STAB2: variants seen among roughly 807,000 people sequenced by gnomAD.
STAB2 encodes stabilin 2.
In STAB2, 288 loss-of-function variants were observed where a neutral mutation model predicts 338.1. The observed-to-expected ratio is 0.85, with a 90% CI of 0.77 to 0.94. The LOEUF (loss-of-function observed/expected upper bound fraction) is 0.94, where lower values mean the gene tolerates loss of function less well. Among genes scored for constraint, STAB2 ranks in the 40% least tolerant of loss-of-function variants. STAB2 has a pLI of 0.00. For missense variants in STAB2, 3,141 were observed against 3,210.1 expected, an observed-to-expected ratio of 0.98 and a Z score of 0.52; for synonymous variants, 1,202 against 1,193.3, an observed-to-expected ratio of 1.01 and a Z score of -0.15.
Position 103,622,069 on chromosome 12 carries a change from A to C in STAB2, c.445A>C (p.Thr149Pro). ...QEGFGGTACETCADDNLFGPS... is the reference protein window; with the variant it reads ...QEGFGGTACEPCADDNLFGPS... ...AGGGTTTGGTGGAACAGCCTGTGAA[A>C]CCTGTGCTGACGACAACTTATTTGG... The change falls in exon 5 of 69, where the codon ACC becomes CCC. Residue 149 changes from threonine (T) to proline (P), a missense_variant. Coordinates refer to ENST00000388887, the MANE Select transcript of STAB2 (RefSeq NM_017564.10). The C allele has an allele frequency of 5.0e-6, 8 of 1,614,196 alleles. No individual in the cohort carries two copies. Among genetic ancestry groups the C allele is most frequent in the Non-Finnish European group, 6.8e-6 (8 of 1,180,040 alleles).
intron 3 of STAB2, among the ~76,000 whole-genome samples, chr12:103,610,872 A>G (rs1383355284): frequency 6.6e-6 from 1 of 152,098 alleles, no homozygotes; most frequent in East Asian, 1.9e-4. Flanking sequence ...TGTCCCAGAG[A>G]TTCTGGTATG....
At chr12:103,647,598 C>T (rs1873432949) in intron 9 of STAB2, among the ~76,000 whole-genome samples, 1 of 152,190 alleles carries the variant, frequency 6.6e-6, no homozygotes, top group African/African-American at 2.4e-5. Context: ...CTGCTATAGC[C>T]AGAGCTTATG....
intron 31 of STAB2, 33 bp from the exon 32 acceptor site, chr12:103,695,517 A>T: frequency 1.9e-6 from 3 of 1,611,212 alleles, no homozygotes; most frequent in Non-Finnish European, 2.5e-6. Context: ...CTACCAAAAC[A>T]TGCTAACAGG....
intron 39 of STAB2, among the ~76,000 whole-genome samples, chr12:103,710,332 G>A (rs1245046552): frequency 6.6e-6 from 1 of 151,890 alleles, no homozygotes; most frequent in Non-Finnish European, 1.5e-5. Context: ...GAAGTTTCCA[G>A]TCTAGAAAAG....
At chr12:103,613,074 G>A (rs146749045) in intron 3 of STAB2, among the ~76,000 whole-genome samples, 5,582 of 152,240 alleles carry the variant, frequency 0.037, 329 homozygotes, top group African/African-American at 0.13. Flanking sequence ...CTACCCGGCC[G>A]TGTGAGGTGT....
intron 63 of STAB2, 135 bp from the exon 64 acceptor site, chr12:103,758,035 A>T: frequency 7.6e-7 from 1 of 1,318,666 alleles, no homozygotes; most frequent in Non-Finnish European, 1.0e-6. Context: ...CAGAAGACAC[A>T]GCAAAGGAGC....
intron 42 of STAB2, 118 bp from the exon 43 acceptor site, chr12:103,715,697 T>A: frequency 8.9e-7 from 1 of 1,118,506 alleles, no homozygotes; most frequent in Non-Finnish European, 1.3e-6. Context: ...GAAAACTGAA[T>A]CATGCTTTGA....
intron 44 of STAB2, among the ~76,000 whole-genome samples, chr12:103,721,715 C>T (rs1314459467): frequency 6.6e-6 from 1 of 152,194 alleles, no homozygotes; most frequent in African/African-American, 2.4e-5. Context: ...GCCAGGTGGA[C>T]ATAGTGGCTC....
At position 103,638,112 on chromosome 12, in the gene STAB2, G is replaced by A. The variant is rs374968745; in HGVS notation, c.806G>A (p.Arg269His). The part of the protein sequence containing the change: ...RHSCTCQEGY[R>H]GDGQVCLPVD... ...AGTTGTACATGCCAAGAAGGCTACCGTGGGGATGGCCAAGTGTGCTTGCCT... is the reference window on the plus strand; with the variant it reads ...AGTTGTACATGCCAAGAAGGCTACCATGGGGATGGCCAAGTGTGCTTGCCT... The change falls in exon 8 of 69, where the codon CGT (arginine) becomes CAT (histidine). Residue 269 changes from arginine to histidine, a missense_variant. Arg to His is a conservative substitution (Grantham distance 29). Coordinates refer to ENST00000388887, the MANE Select transcript of STAB2 (RefSeq NM_017564.10). The A allele has an allele frequency of 2.0e-5, 32 of 1,614,084 alleles. No homozygotes were observed. The highest frequency in any genetic ancestry group is 4.5e-5 in the East Asian group (2 of 44,904).
At chr12:103,623,155 T>C (rs1339981188) in intron 5 of STAB2, among the ~76,000 whole-genome samples, 1 of 152,158 alleles carries the variant, frequency 6.6e-6, no homozygotes, top group African/African-American at 2.4e-5. Context: ...CAGGATGTTA[T>C]TAAGCCAGGT....
intron 51 of STAB2, among the ~76,000 whole-genome samples, chr12:103,733,968 G>T (rs764098629): frequency 1.3e-5 from 2 of 149,152 alleles, no homozygotes; most frequent in Non-Finnish European, 3.0e-5. Flanking sequence ...CGATCATAGG[G>T]GAGCAGCACA....
chr12:103,681,015 C>A (rs1223300391), intron 25 of STAB2, among the ~76,000 whole-genome samples: 1 of 152,210 alleles, frequency 6.6e-6, no homozygotes, highest in Admixed American at 6.5e-5. Context: ...GACAGACAAA[C>A]CTATGTATAA....
intron 25 of STAB2, among the ~76,000 whole-genome samples, chr12:103,680,439 C>T (rs1876796662): frequency 6.6e-6 from 1 of 152,224 alleles, no homozygotes; most frequent in African/African-American, 2.4e-5. Flanking sequence ...CATAAAGGGT[C>T]TGTTTCTTGG....
intron 58 of STAB2, 96 bp downstream of exon 58, chr12:103,746,800 C>G: frequency 8.3e-7 from 1 of 1,206,144 alleles, no homozygotes; most frequent in Non-Finnish European, 1.2e-6. Flanking sequence ...GCCCTCCTTC[C>G]TGTCTGGGCC....
intron 33 of STAB2, among the ~76,000 whole-genome samples, chr12:103,696,168 G>A (rs753476082): frequency 1.1e-4 from 17 of 152,090 alleles, no homozygotes; most frequent in Non-Finnish European, 2.1e-4. Context: ...GCCTGTTTAG[G>A]ATCTATCTAT....
At position 103,737,779 on chromosome 12, in the gene STAB2, C is replaced by T. The variant is rs770721938; in HGVS notation, c.5696C>T (p.Ser1899Leu). The T allele has an allele frequency of 1.4e-5, 23 of 1,613,692 alleles. No individual in the cohort carries two copies. The Admixed American group carries it at 2.2e-4, about 15-fold the overall frequency. Residue 1899 changes from serine to leucine, a missense_variant and splice_region_variant, in exon 53 of 69, where the codon TCG becomes TTG. Coordinates refer to ENST00000388887, the MANE Select transcript of STAB2 (RefSeq NM_017564.10). ...GACACCTTTACTACTTTCGATGCCTCGGTCAGTCCTAAAAACAACAGTGTA... is the reference window on the plus strand; with the variant it reads ...GACACCTTTACTACTTTCGATGCCTTGGTCAGTCCTAAAAACAACAGTGTA... The part of the protein sequence containing the change: ...RCDTFTTFDA[S>L]GECGSCVNTP...
chr12:103,708,871 C>T (rs767431439), intron 39 of STAB2, among the ~76,000 whole-genome samples: 2 of 152,116 alleles, frequency 1.3e-5, no homozygotes, highest in Non-Finnish European at 2.9e-5. Context: ...AGATATCTTT[C>T]CCTGTGATTA....
chr12:103,713,717 C>T lies in STAB2; in HGVS notation c.4486C>T (p.Arg1496Ter), dbSNP rs1460415955. The change falls in exon 42 of 69, where the codon CGA becomes TGA. Residue 1496 changes from arginine to a stop codon, truncating the protein, a stop_gained. Transcript: ENST00000388887. LOFTEE classifies it high-confidence loss of function. ...ADCKRTTPGRRVCTCKAGYTG... is the reference protein window; with the variant it reads ...ADCKRTTPGR Reference sequence around the variant, plus strand: ...CTGTAAGAGAACCACCCCAGGAAGGCGAGTGTGCACGTGCAAAGCAGGCTA... The same window carrying T: ...CTGTAAGAGAACCACCCCAGGAAGGTGAGTGTGCACGTGCAAAGCAGGCTA... 5.0e-6 allele frequency: 8 copies of T among 1,613,962 alleles called. No individual in the cohort carries two copies. Among genetic ancestry groups the T allele is most frequent in the African/African-American group, 1.3e-5 (1 of 74,924 alleles).
chr12:103,652,212 T>C (rs1341636257), intron 11 of STAB2, among the ~76,000 whole-genome samples: 1 of 152,260 alleles, frequency 6.6e-6, no homozygotes, highest in African/African-American at 2.4e-5. Flanking sequence ...ATGTTCAAGA[T>C]AGATTCCTTG....
Sources: gnomAD v4.1 joint callset for allele counts (sites outside exome capture counted in the v4.1 genomes callset) on GRCh38, gnomAD v4.1.1 for gene constraint, MANE v1.5 for transcripts, NCBI Gene and HGNC (gene_info 2026-07-23, HGNC 2026-07-21) for gene names.